CTDSPL: variants seen among roughly 807,000 people sequenced by gnomAD.
The protein encoded by CTDSPL is CTD small phosphatase-like protein.
CTDSPL carries 8 observed loss-of-function variants against 30.5 expected under a neutral mutation model. That is an observed-to-expected ratio of 0.26 (90% CI 0.15 to 0.47). CTDSPL has a LOEUF of 0.47. Ranked by LOEUF, CTDSPL falls within the 20% of genes least tolerant of loss-of-function variation. The probability of loss-of-function intolerance (pLI) is 0.99; values close to 1 mark genes in which losing one functional copy is unlikely to be tolerated. For synonymous variants in CTDSPL, 110 were observed against 137.9 expected, an observed-to-expected ratio of 0.80 and a Z score of 1.42; for missense variants, 248 against 366.1, an observed-to-expected ratio of 0.68 and a Z score of 2.63.
In CTDSPL at chr3:37,942,530, C is replaced by T. The variant is rs1698990203; in HGVS notation, c.80-4527C>T. Among the ~76,000 whole-genome samples the T allele has an allele frequency of 1.3e-5, 2 of 150,052 alleles. 1 individual carries two copies. The highest frequency in any genetic ancestry group is 3.0e-5 in the Non-Finnish European group (2 of 66,966). ...TGGTGGCACATGCCTATAGTCCCAG[C>T]TACTTGGGAGACTGAGGTGGGAGGA... On this transcript the variant is annotated intron_variant, in intron 1 of 7. Coordinates refer to ENST00000273179, the MANE Select transcript of CTDSPL (RefSeq NM_001008392.2).
At chr3:37,923,230 G>A (rs1189952075) in intron 1 of CTDSPL, among the ~76,000 whole-genome samples, 2 of 152,208 alleles carry the variant, frequency 1.3e-5, no homozygotes, top group African/African-American at 4.8e-5. Flanking sequence ...GCTGGCTGTA[G>A]GAGATGCAGG....
At chr3:37,872,126 C>T (rs183371751) in intron 1 of CTDSPL, among the ~76,000 whole-genome samples, 143 of 152,148 alleles carry the variant, frequency 9.4e-4, no homozygotes, top group African/African-American at 3.3e-3. Context: ...TGAGTAGCTG[C>T]GACTACAGGC....
At chr3:37,906,928 G>C (rs909600811) in intron 1 of CTDSPL, among the ~76,000 whole-genome samples, 1 of 151,302 alleles carries the variant, frequency 6.6e-6, no homozygotes, top group Admixed American at 6.6e-5. Flanking sequence ...GAAGGCGTCT[G>C]TGTTCAAACT....
At chr3:37,948,619 C>CT (rs1252703119) in intron 2 of CTDSPL, among the ~76,000 whole-genome samples, 2 of 152,284 alleles carry the variant, frequency 1.3e-5, no homozygotes, top group Non-Finnish European at 2.9e-5. Flanking sequence ...GCTGAGAACA[C>CT]TACTGTTGCC....
At chr3:37,900,821 C>T (rs998944151) in intron 1 of CTDSPL, among the ~76,000 whole-genome samples, 13 of 152,010 alleles carry the variant, frequency 8.6e-5, no homozygotes, top group African/African-American at 2.4e-4. Context: ...TTTTTTTAGA[C>T]GAAGTCTCGC....
chr3:37,889,256 C>T lies in CTDSPL; in HGVS notation c.79+26978C>T, dbSNP rs553349863. Among the ~76,000 whole-genome samples, 5 of 152,252 alleles carry T rather than the reference C, an allele frequency of 3.3e-5. No individual in the cohort carries two copies. The East Asian group carries it at 5.8e-4, about 18-fold the overall frequency. On this transcript the variant is annotated intron_variant, in intron 1 of 7. Coordinates refer to ENST00000273179, the MANE Select transcript of CTDSPL (RefSeq NM_001008392.2). ...GTAGAGGGAGGACGTTGACATAACA[C>T]GATCTGACCTCAAGCCCTTATATAT...
At chr3:37,927,792 AT>A (rs1182610296) in intron 1 of CTDSPL, among the ~76,000 whole-genome samples, 1 of 151,118 alleles carries the variant, frequency 6.6e-6, no homozygotes, top group East Asian at 1.9e-4. Flanking sequence ...AATCTCTAGA[AT>A]TTTTTTATTT....
In CTDSPL at chr3:37,960,075, G is replaced by A. The variant is rs188565056; in HGVS notation, c.267+2932G>A. 3.8e-4 allele frequency among the ~76,000 whole-genome samples: 58 copies of A among 152,044 alleles called. No individual in the cohort carries two copies. The East Asian group carries it at 7.8e-3, about 20-fold the overall frequency. On this transcript the variant is annotated intron_variant, in intron 3 of 7. Coordinates refer to ENST00000273179, the MANE Select transcript of CTDSPL (RefSeq NM_001008392.2). ...ACAAAATTAACTGGGCATGGTGGCC[G>A]GGTGCGGTGGCTCACACCTGTAATC...
Position 37,862,225 on chromosome 3 carries a change from A to G in CTDSPL, c.26A>G (p.Gln9Arg), listed in dbSNP as rs1205483586. 7 of 1,469,896 alleles carry G rather than the reference A, an allele frequency of 4.8e-6. No individual in the cohort carries two copies. The African/African-American group carries it at 6.0e-5, about 13-fold the overall frequency. 91.1% of individuals were successfully genotyped at this position (1,469,896 alleles called of 1,614,324 possible). Reference sequence around the variant, plus strand: ...ATGGACGGCCCGGCCATCATCACCCAGGTGACCAACCCCAAGGAGGACGAG... The same window carrying G: ...ATGGACGGCCCGGCCATCATCACCCGGGTGACCAACCCCAAGGAGGACGAG... MDGPAIIT[Q>R]VTNPKEDEGR... The change falls in exon 1 of 8, where the codon CAG becomes CGG. Residue 9 changes from glutamine (Q) to arginine (R), a missense_variant. Transcript: ENST00000273179. This position sits in a 1 kb window ranked among gnomAD's most constrained non-coding sequence, Gnocchi z 4.3.
intron 2 of CTDSPL, among the ~76,000 whole-genome samples, chr3:37,949,446 A>G (rs781486317): frequency 2.6e-5 from 4 of 152,254 alleles, no homozygotes; most frequent in Non-Finnish European, 5.9e-5. Flanking sequence ...AAACTATAGA[A>G]TAAATATGCA....
rs1699420400 is a variant in CTDSPL, at chr3:37,975,847, A to G, written c.658A>G (p.Ile220Val). Residue 220 changes from isoleucine to valine, a missense_variant, in exon 7 of 8, where the codon ATT becomes GTT. Physicochemically the swap from Ile to Val is conservative, Grantham distance 29 (BLOSUM62 3). Around this residue, in one of 4 missense-constraint regions of CTDSPL, gnomAD observed 84 missense variants for 139.4 expected, o/e 0.60. Coordinates refer to ENST00000273179, the MANE Select transcript of CTDSPL (RefSeq NM_001008392.2). The surrounding 1 kb of genome is among the most constrained non-coding windows in gnomAD (Gnocchi z 4.9). ...TGGGCGGGAGCTGAGCAAAGTGATC[A>G]TTGTTGACAATTCCCCTGCCTCATA... ...RLGRELSKVI[I>V]VDNSPASYIF... 6.2e-7 allele frequency: 1 copy of G among 1,614,050 alleles called. No homozygotes were observed. The highest frequency in any genetic ancestry group is 1.7e-5 in the Admixed American group (1 of 60,000).
At position 37,862,160 on chromosome 3, in the gene CTDSPL, G is replaced by C. The variant is rs547052250; in HGVS notation, c.-40G>C. On this transcript the variant is annotated 5_prime_UTR_variant, in exon 1 of 8. Transcript: ENST00000273179. This position sits in a 1 kb window ranked among gnomAD's most constrained non-coding sequence, Gnocchi z 4.3. ...CCGCGCCCCCGCGCGCTTGGCTTGC[G>C]GGGGGCCGGGCCTGCGGGCGGCCGC... The C allele has an allele frequency of 9.8e-6, 10 of 1,019,056 alleles. No individual in the cohort carries two copies. The highest frequency in any genetic ancestry group is 1.2e-5 in the Non-Finnish European group (10 of 850,126). 63.1% of individuals were successfully genotyped at this position (1,019,056 alleles called of 1,614,324 possible).
At chr3:37,885,572 C>G (rs923463225) in intron 1 of CTDSPL, among the ~76,000 whole-genome samples, 12 of 152,100 alleles carry the variant, frequency 7.9e-5, no homozygotes, top group Non-Finnish European at 1.6e-4. Context: ...CCCTCTCTCC[C>G]AAGGCTGGGA....
intron 1 of CTDSPL, among the ~76,000 whole-genome samples, chr3:37,881,772 GA>G (rs369088493): frequency 0.06 from 8,809 of 148,018 alleles, 290 homozygotes; most frequent in South Asian, 0.099. Context: ...TTGAAAAACT[GA>G]AAAAAAAAAT....
chr3:37,920,553 G>A (rs1363838104), intron 1 of CTDSPL, among the ~76,000 whole-genome samples: 3 of 152,208 alleles, frequency 2.0e-5, no homozygotes, highest in African/African-American at 7.2e-5. Flanking sequence ...GGCTGCAGAG[G>A]CCCTGCCAGG....
In CTDSPL at chr3:37,964,684, TA is replaced by T. The variant is rs372561370; in HGVS notation, c.369+22del. 3.0e-3 allele frequency: 4,284 copies of T among 1,451,186 alleles called. 8 individuals carry two copies. The highest frequency in any genetic ancestry group is 8.3e-3 in the African/African-American group (579 of 69,554). 89.9% of individuals were successfully genotyped at this position (1,451,186 alleles called of 1,614,324 possible). A position where few individuals can be genotyped will look rare whatever the true frequency, so the allele number is the denominator to read the frequency against. Reference sequence around the variant, plus strand: ...ACAGTTCGTTTAAGGTAAATCAACATAAAAAAAAAATCCATGATCTTTGTGA... The same window carrying T: ...ACAGTTCGTTTAAGGTAAATCAACATAAAAAAAAATCCATGATCTTTGTGA... On this transcript the variant is annotated intron_variant, in intron 4 of 7. Transcript: ENST00000273179.
chr3:37,929,178 T>G (rs1698820479), intron 1 of CTDSPL, among the ~76,000 whole-genome samples: 1 of 152,228 alleles, frequency 6.6e-6, no homozygotes, highest in Non-Finnish European at 1.5e-5. Flanking sequence ...TTAATTACCA[T>G]AGCTTTGTAA....
At chr3:37,932,289 G>A (rs1438080249) in intron 1 of CTDSPL, among the ~76,000 whole-genome samples, 3 of 152,070 alleles carry the variant, frequency 2.0e-5, no homozygotes, top group African/African-American at 2.4e-5. Context: ...ATAGTATATC[G>A]TATTAGAATG....
intron 1 of CTDSPL, among the ~76,000 whole-genome samples, chr3:37,929,545 T>C (rs1175436025): frequency 6.6e-6 from 1 of 152,238 alleles, no homozygotes; most frequent in African/African-American, 2.4e-5. Flanking sequence ...TTTAATGCTA[T>C]TGTAAATGAG....
Sources: allele counts gnomAD v4.1 joint callset (sites outside exome capture counted in the v4.1 genomes callset), GRCh38; gene constraint gnomAD v4.1.1; regional missense constraint gnomAD v4.1.1; non-coding constraint Gnocchi (gnomAD v3.1); transcripts MANE v1.5; gene names NCBI Gene and HGNC (gene_info 2026-07-23, HGNC 2026-07-21).